The following KCNAB2 variants were observed in gnomAD, a reference collection of about 807,000 sequenced individuals.
KCNAB2 encodes the protein potassium voltage-gated channel subfamily A regulatory beta subunit 2, also known as voltage-gated potassium channel subunit beta-2.
In KCNAB2, 29 loss-of-function variants were observed where a neutral mutation model predicts 63.6. The ratio of observed to expected loss-of-function variants is 0.46; its 90% confidence interval spans 0.34 to 0.62. KCNAB2 has a LOEUF of 0.62. KCNAB2 is among the 20% of genes least tolerant of loss of function. The pLI is 0.01. For missense variants in KCNAB2, 359 were observed against 563.9 expected (o/e 0.64, Z 3.68); for synonymous variants, 222 against 224.2 (o/e 0.99, Z 0.09).
Position 6,100,571 on chromosome 1 carries a change from C to G in KCNAB2, c.*1997C>G, listed in dbSNP as rs755781190. 6.6e-6 allele frequency: 1 copy of G among 152,666 alleles called. No homozygotes were observed. The highest frequency in any genetic ancestry group is 2.1e-4 in the South Asian group (1 of 4,854). 9.5% of individuals were successfully genotyped at this position (152,666 alleles called of 1,614,324 possible). ...CACCCACTGTTGGAAGAGGGACCAGCGCGAGGTGGTGCCCAGGGTGGGCAC... is the reference window on the plus strand; with the variant it reads ...CACCCACTGTTGGAAGAGGGACCAGGGCGAGGTGGTGCCCAGGGTGGGCAC... On this transcript the variant is annotated 3_prime_UTR_variant, in exon 16 of 16. Coordinates refer to ENST00000378083, the MANE Select transcript of KCNAB2 (RefSeq NM_001199862.2).
chr1:6,096,414 C>A lies in KCNAB2; in HGVS notation c.949-222C>A. On this transcript the variant is annotated intron_variant, in intron 13 of 15. Coordinates refer to ENST00000378083, the MANE Select transcript of KCNAB2 (RefSeq NM_001199862.2). The surrounding 1 kb of genome is among the most constrained non-coding windows in gnomAD (Gnocchi z 5.9). ...GCACCACAGTCTTTGCACTTCAGAG[C>A]CTGGACAGGCCCCGCTCATCCACCA... is the stretch of plus-strand genomic sequence containing the variant. 1.6e-6 allele frequency: 1 copy of A among 609,816 alleles called. No homozygotes were observed. Among genetic ancestry groups the A allele is most frequent in the Non-Finnish European group, 2.9e-6 (1 of 347,536 alleles). 37.8% of individuals were successfully genotyped at this position (609,816 alleles called of 1,614,324 possible). A position where few individuals can be genotyped will look rare whatever the true frequency, so the allele number is the denominator to read the frequency against.
In KCNAB2 at chr1:6,073,864, C is replaced by T. The variant is rs1296965931; in HGVS notation, c.300+94C>T. On this transcript the variant is annotated intron_variant, in intron 4 of 15. Coordinates refer to ENST00000378083, the MANE Select transcript of KCNAB2 (RefSeq NM_001199862.2). This position sits in a 1 kb window ranked among gnomAD's most constrained non-coding sequence, Gnocchi z 5.7. ...CGCGTGGACCAGTGAGCACGTGCTC[C>T]CGGGAGCCAGCGCAGCAGCCTCCCT... 7.6e-7 allele frequency: 1 copy of T among 1,317,404 alleles called. No homozygotes were observed. The highest frequency in any genetic ancestry group is 1.1e-6 in the Non-Finnish European group (1 of 913,840). The allele number at this position is 1,317,404 out of a possible 1,614,324, so 81.6% of individuals were successfully genotyped here.
intron 10 of KCNAB2, 98 bp downstream of exon 10, chr1:6,091,405 A>G: frequency 1.1e-6 from 1 of 904,858 alleles, no homozygotes; most frequent in Non-Finnish European, 1.7e-6. Flanking sequence ...CCCATGAGAA[A>G]CTTCTCCATA....
At chr1:6,017,723 G>A (rs1658591446) in intron 1 of KCNAB2, among the ~76,000 whole-genome samples, 1 of 151,968 alleles carries the variant, frequency 6.6e-6, no homozygotes, top group Admixed American at 6.6e-5. Context: ...CCTGGGAGGC[G>A]GAGGTTGCAG....
chr1:6,060,883 C>T, intron 2 of KCNAB2, among the ~76,000 whole-genome samples: 1 of 129,382 alleles, frequency 7.7e-6, no homozygotes, highest in Non-Finnish European at 1.6e-5. Context: ...AGCCTGGCAA[C>T]AGAGCAAGAC....
rs1416201167 is a variant in KCNAB2 at position 6,098,691 on chromosome 1, A to G, written c.*117A>G. 4 of 1,263,564 alleles carry G rather than the reference A, an allele frequency of 3.2e-6. No individual in the cohort carries two copies. The highest frequency in any genetic ancestry group is 4.4e-6 in the Non-Finnish European group (4 of 913,076). 78.3% of individuals were successfully genotyped at this position (1,263,564 alleles called of 1,614,324 possible). A position where few individuals can be genotyped will look rare whatever the true frequency, so the allele number is the denominator to read the frequency against. On this transcript the variant is annotated 3_prime_UTR_variant, in exon 16 of 16. Coordinates refer to ENST00000378083, the MANE Select transcript of KCNAB2 (RefSeq NM_001199862.2). ...GTTTGCATCCAAGAGAAAACACCAC[A>G]CTGTGATGTCATCGGGAAATGATCT...
At chr1:6,042,646 G>C (rs947946452), upstream of KCNAB2, among the ~76,000 whole-genome samples, 5 of 152,194 alleles carry the variant, frequency 3.3e-5, no homozygotes, top group African/African-American at 1.2e-4. Context: ...GACTGTTTGG[G>C]GAATTGGCAC....
At chr1:6,029,400 C>A (rs1020395720), upstream of KCNAB2, among the ~76,000 whole-genome samples, 1 of 152,116 alleles carries the variant, frequency 6.6e-6, no homozygotes, top group Non-Finnish European at 1.5e-5. Flanking sequence ...AGGCCGAGGA[C>A]CCTCAGACAC....
chr1:6,080,181 C>T (rs921031251), intron 4 of KCNAB2, among the ~76,000 whole-genome samples: 1 of 152,198 alleles, frequency 6.6e-6, no homozygotes, highest in Non-Finnish European at 1.5e-5. Flanking sequence ...CCCAGCGCAC[C>T]GTGCCCTCCT....
intron 1 of KCNAB2, among the ~76,000 whole-genome samples, chr1:6,011,095 C>G: frequency 6.6e-6 from 1 of 152,234 alleles, no homozygotes; most frequent in East Asian, 1.9e-4. Flanking sequence ...ACCTGGGACT[C>G]AGCCACACAT....
chr1:6,069,303 T>TG lies in KCNAB2; in HGVS notation c.219-3450dup, dbSNP rs1288127647. ...ATCACAGTTTTGTCCTCTGCCCAGG[T>TG]GGCTCCAATGAAAGGCCCCAAACTC... On this transcript the variant is annotated intron_variant, in intron 2 of 15. Coordinates refer to ENST00000378083, the MANE Select transcript of KCNAB2 (RefSeq NM_001199862.2). The surrounding 1 kb of genome is among the most constrained non-coding windows in gnomAD (Gnocchi z 5.4). 1.3e-5 allele frequency among the ~76,000 whole-genome samples: 2 copies of TG among 152,196 alleles called. No homozygotes were observed. Among genetic ancestry groups the TG allele is most frequent in the Non-Finnish European group, 2.9e-5 (2 of 68,048 alleles).
chr1:6,100,976 C>T lies in KCNAB2; in HGVS notation c.*2402C>T, dbSNP rs1665991909. On this transcript the variant is annotated 3_prime_UTR_variant, in exon 16 of 16. Coordinates refer to ENST00000378083, the MANE Select transcript of KCNAB2 (RefSeq NM_001199862.2). ...CCCAAGGAGTGACAGGGGCTTCCTC[C>T]CACCTTCTGTCCTTGTCCAGTCATG... The T allele has an allele frequency of 6.6e-6, 1 of 152,234 alleles. No homozygotes were observed. The highest frequency in any genetic ancestry group is 6.5e-5 in the Admixed American group (1 of 15,284). The allele number at this position is 152,234 out of a possible 1,614,324, so 9.4% of individuals were successfully genotyped here. A position where few individuals can be genotyped will look rare whatever the true frequency, so the allele number is the denominator to read the frequency against.
intron 4 of KCNAB2, 51 bp from the exon 5 acceptor site, chr1:6,082,144 C>T (rs1390164307): frequency 6.6e-7 from 1 of 1,515,590 alleles, no homozygotes; most frequent in African/African-American, 1.4e-5. Context: ...GCTCCAGAGC[C>T]TCTGGGCCCC....
intron 2 of KCNAB2, among the ~76,000 whole-genome samples, chr1:6,054,498 C>G (rs146829798): frequency 3.3e-4 from 50 of 152,198 alleles, no homozygotes; most frequent in African/African-American, 1.2e-3. Flanking sequence ...GTCGTGGTGG[C>G]GGGCACCTGT....
chr1:6,067,270 T>C (rs1183843558), intron 2 of KCNAB2, among the ~76,000 whole-genome samples: 1 of 152,206 alleles, frequency 6.6e-6, no homozygotes, highest in East Asian at 1.9e-4. Flanking sequence ...TGGGAAAGTT[T>C]TCCCAAAACA....
At chr1:6,089,377 G>A (rs1664984928) in intron 8 of KCNAB2, among the ~76,000 whole-genome samples, 1 of 152,250 alleles carries the variant, frequency 6.6e-6, no homozygotes, top group Non-Finnish European at 1.5e-5. Flanking sequence ...AATAGGGACA[G>A]TAAGAGCGCA....
chr1:6,060,024 C>T (rs1662173290), intron 2 of KCNAB2, among the ~76,000 whole-genome samples: 1 of 152,226 alleles, frequency 6.6e-6, no homozygotes, highest in Non-Finnish European at 1.5e-5. Flanking sequence ...TCCTCCTTCC[C>T]TCGGCCTCCC....
chr1:6,008,899 C>T (rs554966868), intron 1 of KCNAB2, among the ~76,000 whole-genome samples: 26 of 152,174 alleles, frequency 1.7e-4, no homozygotes, highest in Non-Finnish European at 2.1e-4. Flanking sequence ...AAGCCTCTGG[C>T]CTGGGCGGAG....
chr1:6,066,075 C>T (rs2100619224), intron 2 of KCNAB2, among the ~76,000 whole-genome samples: 1 of 152,322 alleles, frequency 6.6e-6, no homozygotes, highest in African/African-American at 2.4e-5. Flanking sequence ...ATGCAGGTGT[C>T]CTTCGTTTGC....
Sources: allele counts gnomAD v4.1 joint callset (sites outside exome capture counted in the v4.1 genomes callset), GRCh38; gene constraint gnomAD v4.1.1; non-coding constraint Gnocchi (gnomAD v3.1); transcripts MANE v1.5; gene names NCBI Gene and HGNC (gene_info 2026-07-23, HGNC 2026-07-21).